The following LRTM2 variants were observed in gnomAD, a reference collection of about 807,000 sequenced individuals.
LRTM2 encodes the protein leucine rich repeat transmembrane protein 2.
LRTM2 carries 18 observed loss-of-function variants against 28.1 expected under a neutral mutation model. The observed-to-expected ratio is 0.64, with a 90% CI of 0.44 to 0.95. LRTM2 has a LOEUF of 0.95. LRTM2 is among the 40% of genes least tolerant of loss of function. The probability of loss-of-function intolerance (pLI) is 0.00; values close to 1 mark genes in which losing one functional copy is unlikely to be tolerated. For synonymous variants in LRTM2, 250 were observed against 218.7 expected, an observed-to-expected ratio of 1.14 and a Z score of -1.26; for missense variants, 436 against 497.2, an observed-to-expected ratio of 0.88 and a Z score of 1.17.
intron 3 of LRTM2, among the ~76,000 whole-genome samples, 197 bp from the exon 4 acceptor site, chr12:1,830,738 T>C (rs1369506955): frequency 6.6e-6 from 1 of 152,256 alleles, no homozygotes; most frequent in Admixed American, 6.5e-5. Context: ...CACTGTGTGA[T>C]GTCCATTAAT....
At chr12:1,832,755 T>C (rs1247591204) in intron 4 of LRTM2, among the ~76,000 whole-genome samples, 2 of 152,260 alleles carry the variant, frequency 1.3e-5, no homozygotes, top group Non-Finnish European at 2.9e-5. Flanking sequence ...CAATGTCTTT[T>C]CATGTACATG....
intron 1 of LRTM2, among the ~76,000 whole-genome samples, chr12:1,822,981 C>G (rs184969994): frequency 1.3e-5 from 2 of 152,216 alleles, no homozygotes; most frequent in Non-Finnish European, 2.9e-5. Context: ...TGGGCCCAGT[C>G]GTGGCTCTGC....
chr12:1,828,906 C>T lies in LRTM2; in HGVS notation c.67+691C>T, dbSNP rs1864489610. 6.6e-6 allele frequency among the ~76,000 whole-genome samples: 1 copy of T among 152,266 alleles called. No homozygotes were observed. Among genetic ancestry groups the T allele is most frequent in the Admixed American group, 6.5e-5 (1 of 15,302 alleles). On this transcript the variant is annotated intron_variant, in intron 3 of 4. Coordinates refer to ENST00000299194, the MANE Select transcript of LRTM2 (RefSeq NM_001039029.3). The surrounding 1 kb of genome is among the most constrained non-coding windows in gnomAD (Gnocchi z 4.2). ...TTCTCTTTATATGTGGCAAAGGGACCAGGTCAGCAAGGGCTGGTCTGCCCA... is the reference window on the plus strand; with the variant it reads ...TTCTCTTTATATGTGGCAAAGGGACTAGGTCAGCAAGGGCTGGTCTGCCCA...
At chr12:1,825,640 A>G (rs1236511684) in intron 1 of LRTM2, among the ~76,000 whole-genome samples, 1 of 152,208 alleles carries the variant, frequency 6.6e-6, no homozygotes, top group Non-Finnish European at 1.5e-5. Flanking sequence ...ATGTTAGCAC[A>G]TACCTAGCTG....
chr12:1,834,089 T>C lies in LRTM2; in HGVS notation c.659-178T>C, dbSNP rs1283590767. 1.3e-5 allele frequency among the ~76,000 whole-genome samples: 2 copies of C among 152,210 alleles called. No individual in the cohort carries two copies. The highest frequency in any genetic ancestry group is 2.4e-5 in the African/African-American group (1 of 41,450). ...ATACGTAACTCACTGTGGACTTGGC[T>C]CAATCAATGCTGTTTTCCCTCCTCC... On this transcript the variant is annotated intron_variant, in intron 4 of 4. Coordinates refer to ENST00000299194, the MANE Select transcript of LRTM2 (RefSeq NM_001039029.3). This position sits in a 1 kb window ranked among gnomAD's most constrained non-coding sequence, Gnocchi z 7.6.
At position 1,834,156 on chromosome 12, in the gene LRTM2, T is replaced by A; in HGVS notation, c.659-111T>A. 3.2e-6 allele frequency: 4 copies of A among 1,246,706 alleles called. No homozygotes were observed. The highest frequency in any genetic ancestry group is 4.3e-6 in the Non-Finnish European group (4 of 922,136). The allele number at this position is 1,246,706 out of a possible 1,614,324, so 77.2% of individuals were successfully genotyped here. On this transcript the variant is annotated intron_variant, in intron 4 of 4. Coordinates refer to ENST00000299194, the MANE Select transcript of LRTM2 (RefSeq NM_001039029.3). The surrounding 1 kb of genome is among the most constrained non-coding windows in gnomAD (Gnocchi z 7.6). ...ATGGTGATTCCAGGATTGACTACAT[T>A]GCTGATAAAAACTACCTTCTGGGGC...
chr12:1,831,423 C>T lies in LRTM2; in HGVS notation c.556C>T (p.Pro186Ser), dbSNP rs772205560. ...GAATCTGGACCGGCTGACATTTGAA[C>T]CCCTAGCAAACCTGCAGCTGCTGCA... ...LQNLDRLTFE[P>S]LANLQLLQVG... Residue 186 changes from proline (P) to serine (S), a missense_variant, in exon 4 of 5, where the codon CCC becomes TCC. Transcript: ENST00000299194. 10 of 1,614,010 alleles carry T rather than the reference C, an allele frequency of 6.2e-6. No homozygotes were observed. The African/African-American group carries it at 6.7e-5, about 11-fold the overall frequency.
At chr12:1,823,661 T>C (rs11061987) in intron 1 of LRTM2, among the ~76,000 whole-genome samples, 5,596 of 151,046 alleles carry the variant, frequency 0.037, 313 homozygotes, top group African/African-American at 0.13. Flanking sequence ...GCCCCCCACC[T>C]TCCGTAAGAT....
In LRTM2 at chr12:1,828,694, T is replaced by G. The variant is rs1864477892; in HGVS notation, c.67+479T>G. Among the ~76,000 whole-genome samples the G allele has an allele frequency of 6.6e-6, 1 of 152,092 alleles. No homozygotes were observed. Among genetic ancestry groups the G allele is most frequent in the Admixed American group, 6.5e-5 (1 of 15,280 alleles). On this transcript the variant is annotated intron_variant, in intron 3 of 4. Transcript: ENST00000299194. The surrounding 1 kb of genome is among the most constrained non-coding windows in gnomAD (Gnocchi z 4.2). ...AGATGTCTCTTATGCTCCTTATGCC[T>G]CCGCTTTCCCAACTCTCGGTAGAGG... is the stretch of plus-strand genomic sequence containing the variant.
Position 1,828,359 on chromosome 12 carries a change from T to C in LRTM2, c.67+144T>C, listed in dbSNP as rs1864454245. 2 of 704,728 alleles carry C rather than the reference T, an allele frequency of 2.8e-6. No individual in the cohort carries two copies. Among genetic ancestry groups the C allele is most frequent in the East Asian group, 3.2e-5 (1 of 31,566 alleles). 43.7% of individuals were successfully genotyped at this position (704,728 alleles called of 1,614,324 possible). A position where few individuals can be genotyped will look rare whatever the true frequency, so the allele number is the denominator to read the frequency against. On this transcript the variant is annotated intron_variant, in intron 3 of 4. Transcript: ENST00000299194. This position sits in a 1 kb window ranked among gnomAD's most constrained non-coding sequence, Gnocchi z 4.2. ...TCTTCCTGGGGTACCCGAGGCTATG[T>C]TCTGGGAAGCCAGGGTCACGCCCAC...
At chr12:1,822,294 T>C (rs1864136707) in intron 1 of LRTM2, among the ~76,000 whole-genome samples, 1 of 151,594 alleles carries the variant, frequency 6.6e-6, no homozygotes, top group Admixed American at 6.6e-5. Flanking sequence ...GTGGGCAGTG[T>C]AGGAAGGAGG....
At chr12:1,831,949 A>T (rs1028394330) in intron 4 of LRTM2, among the ~76,000 whole-genome samples, 2 of 152,224 alleles carry the variant, frequency 1.3e-5, no homozygotes, top group African/African-American at 4.8e-5. Context: ...TGAAGAATAC[A>T]GCCATCTCTT....
rs1444064048 is a variant in LRTM2 at position 1,835,012 on chromosome 12, A to G, written c.*291A>G. On this transcript the variant is annotated 3_prime_UTR_variant, in exon 5 of 5. Coordinates refer to ENST00000299194, the MANE Select transcript of LRTM2 (RefSeq NM_001039029.3). Reference sequence around the variant, plus strand: ...AGCAAAGCAAGGAGGTGTGTGCAAGAGGAGGCTTCCGGACTGGGCATTCCC... The same window carrying G: ...AGCAAAGCAAGGAGGTGTGTGCAAGGGGAGGCTTCCGGACTGGGCATTCCC... 1.4e-5 allele frequency: 6 copies of G among 433,320 alleles called. No individual in the cohort carries two copies. The highest frequency in any genetic ancestry group is 4.0e-5 in the African/African-American group (2 of 50,220). 26.8% of individuals were successfully genotyped at this position (433,320 alleles called of 1,614,324 possible). A position where few individuals can be genotyped will look rare whatever the true frequency, so the allele number is the denominator to read the frequency against.
chr12:1,831,343 T>C lies in LRTM2; in HGVS notation c.476T>C (p.Leu159Pro). The change falls in exon 4 of 5, where the codon CTT (leucine) becomes CCT (proline). Residue 159 changes from leucine (L) to proline (P), a missense_variant. By Grantham distance (98) the Leu-to-Pro change is moderately conservative. Coordinates refer to ENST00000299194, the MANE Select transcript of LRTM2 (RefSeq NM_001039029.3). ...INGLAQLPPG[L>P]FDGLLALRSL... is the part of the protein sequence containing the mutation. ...GGCCTGGCCCAGTTGCCCCCTGGTCTTTTCGACGGGCTCCTGGCTCTGCGC... is the reference window on the plus strand; with the variant it reads ...GGCCTGGCCCAGTTGCCCCCTGGTCCTTTCGACGGGCTCCTGGCTCTGCGC... 6.2e-7 allele frequency: 1 copy of C among 1,613,850 alleles called. No homozygotes were observed. The highest frequency in any genetic ancestry group is 8.5e-7 in the Non-Finnish European group (1 of 1,180,028).
chr12:1,826,846 G>C (rs2154446760), intron 1 of LRTM2, among the ~76,000 whole-genome samples: 1 of 152,344 alleles, frequency 6.6e-6, no homozygotes, highest in South Asian at 2.1e-4. Context: ...ATGCCCGAGG[G>C]GAAACCTGCA....
chr12:1,826,618 C>T (rs1305506153), intron 1 of LRTM2, among the ~76,000 whole-genome samples: 6 of 152,212 alleles, frequency 3.9e-5, no homozygotes, highest in African/African-American at 9.6e-5. Context: ...GCGGGGCCTT[C>T]GGCAGACTGG....
chr12:1,821,124 G>T (rs1004336842), intron 1 of LRTM2, among the ~76,000 whole-genome samples: 28 of 152,236 alleles, frequency 1.8e-4, no homozygotes, highest in African/African-American at 6.8e-4. Flanking sequence ...ACCGGTCCCT[G>T]CAGCATGGGA....
At chr12:1,821,751 G>A (rs1353815844) in intron 1 of LRTM2, among the ~76,000 whole-genome samples, 1 of 152,164 alleles carries the variant, frequency 6.6e-6, no homozygotes, top group African/African-American at 2.4e-5. Flanking sequence ...GAGAGGAGCA[G>A]CCTGACCAGG....
chr12:1,830,967 G>T lies in LRTM2; in HGVS notation c.100G>T (p.Glu34Ter). The T allele has an allele frequency of 6.2e-7, 1 of 1,612,710 alleles. No homozygotes were observed. Among genetic ancestry groups the T allele is most frequent in the Non-Finnish European group, 8.5e-7 (1 of 1,179,196 alleles). The change falls in exon 4 of 5, where the codon GAG becomes TAG. Residue 34 changes from glutamate (E) to a stop codon, truncating the protein, a stop_gained. Transcript: ENST00000299194. LOFTEE classifies it high-confidence loss of function. Reference sequence around the variant, plus strand: ...CTGCTGGATCGCCCTGTATGCTGTGGAGGCCCTCCCCACCTGCCCTTTCTC... The same window carrying T: ...CTGCTGGATCGCCCTGTATGCTGTGTAGGCCCTCCCCACCTGCCCTTTCTC... ...ITCWIALYAV[E>*]ALPTCPFSCK...
Sources: allele counts gnomAD v4.1 joint callset (sites outside exome capture counted in the v4.1 genomes callset), GRCh38; gene constraint gnomAD v4.1.1; non-coding constraint Gnocchi (gnomAD v3.1); transcripts MANE v1.5; gene names NCBI Gene and HGNC (gene_info 2026-07-23, HGNC 2026-07-21).